SHANK2: variants seen among roughly 807,000 people sequenced by gnomAD.
The protein encoded by SHANK2 is SH3 and multiple ankyrin repeat domains 2.
A neutral mutation model predicts 133.7 loss-of-function variants in SHANK2; 43 were observed. The ratio of observed to expected loss-of-function variants is 0.32; its 90% CI spans 0.25 to 0.41. The LOEUF is 0.41. SHANK2 is among the 10% of genes least tolerant of loss of function. SHANK2 has a pLI of 1.00. For missense variants in SHANK2, 1,994 were observed against 2,235.8 expected, an observed-to-expected ratio of 0.89 and a Z score of 2.18; for synonymous variants, 1,017 against 952.8, an observed-to-expected ratio of 1.07 and a Z score of -1.24.
intron 14 of SHANK2, among the ~76,000 whole-genome samples, chr11:70,773,906 AAC>A (rs1279768148): frequency 6.6e-6 from 1 of 152,232 alleles, no homozygotes; most frequent in Non-Finnish European, 1.5e-5. Context: ...GCCACTGTGG[AAC>A]ACAGTCTAGC....
chr11:71,093,906 G>A (rs1951560463), intron 7 of SHANK2, among the ~76,000 whole-genome samples: 1 of 152,200 alleles, frequency 6.6e-6, no homozygotes. Context: ...GGGCTCTGGT[G>A]GAGGATGCCT....
At chr11:70,683,030 T>C (rs1406443247) in intron 15 of SHANK2, among the ~76,000 whole-genome samples, 1 of 152,116 alleles carries the variant, frequency 6.6e-6, no homozygotes, top group Non-Finnish European at 1.5e-5. Flanking sequence ...CTGAGCCACA[T>C]CCCCTGTAAG....
At position 70,804,529 on chromosome 11, in the gene SHANK2, G is replaced by A. The variant is rs1393230700; in HGVS notation, c.1663+2473C>T. Reference sequence around the variant, plus strand: ...GGGAGAAAGGCCCAGCTCCCCGCACGCCCCACGCTCCTGCGAGGGGCGGGT... The same window carrying A: ...GGGAGAAAGGCCCAGCTCCCCGCACACCCCACGCTCCTGCGAGGGGCGGGT... On this transcript the variant is annotated intron_variant, in intron 13 of 25. Transcript: ENST00000601538. The surrounding 1 kb of genome is among the most constrained non-coding windows in gnomAD (Gnocchi z 4.1). Among the ~76,000 whole-genome samples, 2 of 152,220 alleles carry A rather than the reference G, an allele frequency of 1.3e-5. No homozygotes were observed. Among genetic ancestry groups the A allele is most frequent in the Admixed American group, 6.5e-5 (1 of 15,302 alleles).
chr11:71,244,790 C>A lies in SHANK2; in HGVS notation c.-113+7635G>T, dbSNP rs181162068. On this transcript the variant is annotated intron_variant, in intron 1 of 25. Coordinates refer to ENST00000601538, the MANE Select transcript of SHANK2 (RefSeq NM_012309.5). The stretch of plus-strand genomic sequence containing the variant: ...CAATCTTGGCTCACTGCAACCTCCG[C>A]CTGCCGGGTTCAAGTGATCTCTTGT... 3.4e-3 allele frequency among the ~76,000 whole-genome samples: 514 copies of A among 152,260 alleles called. 2 individuals are homozygous for A. The highest frequency in any genetic ancestry group is 0.011 in the African/African-American group (477 of 41,542).
intron 17 of SHANK2, among the ~76,000 whole-genome samples, chr11:70,658,127 C>CA (rs2061426849): frequency 1.3e-5 from 2 of 150,750 alleles, no homozygotes; most frequent in African/African-American, 4.9e-5. Context: ...ACCCCCCCCA[C>CA]CCTGCCTGTC....
At chr11:70,687,215 C>T (rs1353172422) in intron 15 of SHANK2, among the ~76,000 whole-genome samples, 2 of 152,236 alleles carry the variant, frequency 1.3e-5, no homozygotes, top group South Asian at 2.1e-4. Context: ...AACTAAGGCC[C>T]GTGCAGGAAG....
intron 11 of SHANK2, 130 bp downstream of exon 11, chr11:70,896,371 C>A: frequency 1.7e-6 from 1 of 598,220 alleles, no homozygotes; most frequent in Non-Finnish European, 3.0e-6. Flanking sequence ...TGGGCTAATA[C>A]TATGTTAAGT....
At chr11:71,248,739 C>T (rs1207879670) in intron 1 of SHANK2, among the ~76,000 whole-genome samples, 1 of 152,140 alleles carries the variant, frequency 6.6e-6, no homozygotes, top group Non-Finnish European at 1.5e-5. Context: ...TGCCAAAGGC[C>T]CATGTTCAGT....
intron 10 of SHANK2, among the ~76,000 whole-genome samples, chr11:70,936,664 A>C (rs1371275125): frequency 6.6e-6 from 1 of 152,202 alleles, no homozygotes; most frequent in East Asian, 1.9e-4. Context: ...TCATGTTAGC[A>C]ACCAAAAGCC....
At chr11:70,662,755 C>T (rs1591721664) in intron 15 of SHANK2, among the ~76,000 whole-genome samples, 1 of 152,104 alleles carries the variant, frequency 6.6e-6, no homozygotes, top group Non-Finnish European at 1.5e-5. Flanking sequence ...AGTGTCCTCT[C>T]GCTTTTCCTG....
chr11:70,478,712 G>C (rs553466312), intron 25 of SHANK2, among the ~76,000 whole-genome samples: 1 of 152,336 alleles, frequency 6.6e-6, no homozygotes, highest in African/African-American at 2.4e-5. Flanking sequence ...TGAGTGCCAT[G>C]AGGGGGTCCT....
chr11:71,128,452 C>G (rs1159954694), intron 3 of SHANK2, among the ~76,000 whole-genome samples: 1 of 152,104 alleles, frequency 6.6e-6, no homozygotes, highest in East Asian at 1.9e-4. Context: ...CAGCATGAGA[C>G]CTGGGTGGTG....
At chr11:70,815,759 C>A (rs1948380161) in intron 12 of SHANK2, among the ~76,000 whole-genome samples, 2 of 152,212 alleles carry the variant, frequency 1.3e-5, no homozygotes, top group African/African-American at 4.8e-5. Context: ...CCTCCCTGAA[C>A]CCCATCAAGG....
At chr11:70,513,022 C>G (rs1270847809) in intron 17 of SHANK2, among the ~76,000 whole-genome samples, 2 of 152,136 alleles carry the variant, frequency 1.3e-5, no homozygotes, top group Non-Finnish European at 2.9e-5. Context: ...AGACAGAGTA[C>G]AATCCCCACC....
At chr11:70,784,656 T>C (rs1947608901) in intron 14 of SHANK2, among the ~76,000 whole-genome samples, 1 of 152,126 alleles carries the variant, frequency 6.6e-6, no homozygotes, top group Admixed American at 6.5e-5. Flanking sequence ...AGCGAGGTGA[T>C]GTCCCCAGGT....
chr11:71,099,001 C>A (rs1253053752), intron 6 of SHANK2, among the ~76,000 whole-genome samples: 1 of 152,090 alleles, frequency 6.6e-6, no homozygotes, highest in Non-Finnish European at 1.5e-5. Context: ...ACCAACAGGA[C>A]GGGCCCTCGG....
intron 14 of SHANK2, among the ~76,000 whole-genome samples, chr11:70,752,121 TA>T (rs1946760247): frequency 6.6e-6 from 1 of 152,096 alleles, no homozygotes; most frequent in Non-Finnish European, 1.5e-5. Flanking sequence ...ACTTCTTTAT[TA>T]TTTTTTTGTA....
intron 8 of SHANK2, among the ~76,000 whole-genome samples, chr11:71,088,511 G>A (rs1209216340): frequency 1.3e-5 from 2 of 151,590 alleles, no homozygotes; most frequent in Admixed American, 6.6e-5. Flanking sequence ...CGGGAGGGAC[G>A]TCCCCAACGT....
At chr11:70,955,424 T>G (rs868978391) in intron 10 of SHANK2, among the ~76,000 whole-genome samples, 1 of 29,806 alleles carries the variant, frequency 3.4e-5, no homozygotes, top group Non-Finnish European at 3.2e-4. Context: ...ACCCACGGGG[T>G]GTGTGTGTGT....
Sources: gnomAD v4.1 joint callset for allele counts (sites outside exome capture counted in the v4.1 genomes callset) on GRCh38, gnomAD v4.1.1 for gene constraint, Gnocchi (gnomAD v3.1) non-coding constraint, MANE v1.5 for transcripts, NCBI Gene and HGNC (gene_info 2026-07-23, HGNC 2026-07-21) for gene names.